CSMD1: variants seen among roughly 807,000 people sequenced by gnomAD.
The protein encoded by CSMD1 is CUB and Sushi multiple domains 1, also known as CUB and sushi domain-containing protein 1.
In CSMD1, 213 loss-of-function variants were observed where a neutral mutation model predicts 417.5. The observed-to-expected ratio is 0.51, with a 90% CI of 0.46 to 0.57. The LOEUF is 0.57. Among genes scored for constraint, CSMD1 ranks in the 20% least tolerant of loss-of-function variants. The pLI, the probability that CSMD1 is intolerant of heterozygous loss-of-function variation, is 0.00. For missense variants in CSMD1, 6,923 were observed against 4,529.7 expected, an observed-to-expected ratio of 1.53 and a Z score of -15.17; for synonymous variants, 2,862 against 1,736.8, an observed-to-expected ratio of 1.65 and a Z score of -16.11.
At chr8:3,336,492 T>G (rs188351192) in intron 23 of CSMD1, among the ~76,000 whole-genome samples, 1 of 152,226 alleles carries the variant, frequency 6.6e-6, no homozygotes, top group Non-Finnish European at 1.5e-5. Context: ...AAGTAAACTA[T>G]TATTGTCCCT....
intron 2 of CSMD1, among the ~76,000 whole-genome samples, chr8:4,527,359 C>T (rs1160267216): frequency 6.6e-6 from 1 of 152,080 alleles, no homozygotes; most frequent in African/African-American, 2.4e-5. Context: ...TAAAATCTCA[C>T]CAGAAAGTAA....
At chr8:3,899,304 C>G (rs1331554619) in intron 5 of CSMD1, among the ~76,000 whole-genome samples, 1 of 152,204 alleles carries the variant, frequency 6.6e-6, no homozygotes, top group African/African-American at 2.4e-5. Flanking sequence ...TTCAAGTACG[C>G]TTTGCAAAAG....
chr8:3,126,157 T>C (rs976687298), intron 41 of CSMD1, among the ~76,000 whole-genome samples: 4 of 152,166 alleles, frequency 2.6e-5, no homozygotes, highest in Admixed American at 2.6e-4. Context: ...AGGAGGCTCA[T>C]TTCTTCATTC....
At chr8:3,691,820 A>C (rs7833222) in intron 7 of CSMD1, among the ~76,000 whole-genome samples, 44,623 of 152,084 alleles carry the variant, frequency 0.29, 7,417 homozygotes, top group South Asian at 0.41. Context: ...TCAGTGATCT[A>C]AAAATATGAT....
chr8:4,869,531 A>T (rs906957635), intron 1 of CSMD1, among the ~76,000 whole-genome samples: 1 of 152,030 alleles, frequency 6.6e-6, no homozygotes, highest in Admixed American at 6.5e-5. Context: ...TAGTGTATCT[A>T]TTTATATTTT....
chr8:4,425,077 G>T (rs1371584274), intron 2 of CSMD1, among the ~76,000 whole-genome samples: 1 of 151,994 alleles, frequency 6.6e-6, no homozygotes, highest in Non-Finnish European at 1.5e-5. Flanking sequence ...CCATCTTGAA[G>T]TTTTACATAT....
chr8:3,969,684 T>C (rs1054794312), intron 5 of CSMD1, among the ~76,000 whole-genome samples: 5 of 152,194 alleles, frequency 3.3e-5, no homozygotes, highest in Non-Finnish European at 7.3e-5. Context: ...ATGTCAGTAG[T>C]GGACATGGTT....
intron 7 of CSMD1, among the ~76,000 whole-genome samples, chr8:3,687,885 A>G (rs542812094): frequency 6.6e-6 from 1 of 152,312 alleles, no homozygotes; most frequent in South Asian, 2.1e-4. Flanking sequence ...CGTACTGATG[A>G]CCTGGGGACA....
intron 3 of CSMD1, among the ~76,000 whole-genome samples, chr8:4,320,259 C>A (rs947992470): frequency 4.6e-5 from 7 of 152,124 alleles, no homozygotes; most frequent in Non-Finnish European, 7.4e-5. Flanking sequence ...GAAAATAAGA[C>A]CCACAACAAG....
chr8:3,560,179 C>T (rs1456695232), intron 10 of CSMD1, among the ~76,000 whole-genome samples: 1 of 151,878 alleles, frequency 6.6e-6, no homozygotes, highest in East Asian at 1.9e-4. Context: ...CAGGAAGAGC[C>T]CTTGAAATAA....
At chr8:4,092,745 C>A (rs1007013758) in intron 3 of CSMD1, among the ~76,000 whole-genome samples, 1 of 151,990 alleles carries the variant, frequency 6.6e-6, no homozygotes, top group Non-Finnish European at 1.5e-5. Context: ...TCCACATTTT[C>A]TTTAAATATA....
At chr8:3,996,562 C>T (rs1318005780) in intron 5 of CSMD1, among the ~76,000 whole-genome samples, 3 of 152,040 alleles carry the variant, frequency 2.0e-5, no homozygotes, top group Non-Finnish European at 4.4e-5. Flanking sequence ...TCAGCTTTTG[C>T]TTCCATGAAC....
In CSMD1 at chr8:3,482,953, T is replaced by C. The variant is rs906812151; in HGVS notation, c.1448+10670A>G. 4.6e-5 allele frequency among the ~76,000 whole-genome samples: 7 copies of C among 151,932 alleles called. No homozygotes were observed. In the East Asian group the frequency reaches 5.8e-4, roughly 13 times the overall value. On this transcript the variant is annotated intron_variant, in intron 11 of 69. Transcript: ENST00000635120. ...GAAGTTAAAATAAAAACACAACATATAAAAATATGTGGGAAGCAGATAAAA... is the reference window on the plus strand; with the variant it reads ...GAAGTTAAAATAAAAACACAACATACAAAAATATGTGGGAAGCAGATAAAA...
chr8:4,821,990 C>T (rs1411300188), intron 1 of CSMD1, among the ~76,000 whole-genome samples: 3 of 152,142 alleles, frequency 2.0e-5, no homozygotes, highest in Non-Finnish European at 2.9e-5. Context: ...TAAAGTTCCT[C>T]TGTAATGCAA....
chr8:3,205,307 A>G (rs778192581), intron 31 of CSMD1, among the ~76,000 whole-genome samples, 197 bp downstream of exon 31: 2 of 152,244 alleles, frequency 1.3e-5, no homozygotes, highest in Non-Finnish European at 1.5e-5. Flanking sequence ...GACTGTGAGC[A>G]TTAATATCAC....
chr8:4,713,604 T>C (rs1041180815), intron 1 of CSMD1, among the ~76,000 whole-genome samples: 1 of 152,054 alleles, frequency 6.6e-6, no homozygotes, highest in African/African-American at 2.4e-5. Context: ...TTTCACCATA[T>C]GATAATGCAT....
chr8:3,312,555 G>A (rs1157954585), intron 23 of CSMD1, among the ~76,000 whole-genome samples: 3 of 152,190 alleles, frequency 2.0e-5, no homozygotes, highest in South Asian at 2.1e-4. Flanking sequence ...AAAGCTCCTC[G>A]CAGGATTTGA....
chr8:3,721,506 A>C (rs1469384229), intron 6 of CSMD1, among the ~76,000 whole-genome samples: 1 of 152,232 alleles, frequency 6.6e-6, no homozygotes, highest in Non-Finnish European at 1.5e-5. Flanking sequence ...GGTAACTTAC[A>C]GCATTCTAGA....
intron 1 of CSMD1, among the ~76,000 whole-genome samples, chr8:4,825,593 GCACA>G: frequency 1.5e-5 from 1 of 64,608 alleles, no homozygotes; most frequent in South Asian, 5.6e-4. Flanking sequence ...GGATCAAAAA[GCACA>G]GAAAAGAAAA....
Sources: gnomAD v4.1 joint callset for allele counts (sites outside exome capture counted in the v4.1 genomes callset) on GRCh38, gnomAD v4.1.1 for gene constraint, MANE v1.5 for transcripts, NCBI Gene and HGNC (gene_info 2026-07-23, HGNC 2026-07-21) for gene names.